FAM114A1: variants seen among roughly 807,000 people sequenced by gnomAD.
FAM114A1 encodes the protein protein NOXP20.
FAM114A1 carries 62 observed loss-of-function variants against 64.3 expected under a neutral mutation model. That is an observed-to-expected ratio of 0.96 (90% CI 0.79 to 1.19). The LOEUF is 1.19. Among genes scored for constraint, FAM114A1 ranks in the 50% most tolerant of loss-of-function variants. The probability of loss-of-function intolerance (pLI) is 0.00; values close to 1 mark genes in which losing one functional copy is unlikely to be tolerated. For missense variants in FAM114A1, 645 were observed against 676.3 expected, an observed-to-expected ratio of 0.95 and a Z score of 0.51; for synonymous variants, 254 against 251.1, an observed-to-expected ratio of 1.01 and a Z score of -0.11.
intron 7 of FAM114A1, among the ~76,000 whole-genome samples, chr4:38,909,230 C>T (rs1203849069): frequency 3.3e-5 from 5 of 152,214 alleles, no homozygotes; most frequent in Non-Finnish European, 7.3e-5. Context: ...GCTTACTCAT[C>T]TGTACACTGG....
At chr4:38,874,792 T>C (rs1714449410) in intron 2 of FAM114A1, among the ~76,000 whole-genome samples, 1 of 152,076 alleles carries the variant, frequency 6.6e-6, no homozygotes, top group Admixed American at 6.5e-5. Context: ...TCTTCTAGAG[T>C]TTTTATAGTT....
intron 7 of FAM114A1, 146 bp downstream of exon 7, chr4:38,908,872 C>T (rs6531679): frequency 0.013 from 10,297 of 794,986 alleles, 521 homozygotes; most frequent in African/African-American, 0.12. Flanking sequence ...GCTTCTAATA[C>T]CCCCATTTCC....
chr4:38,893,884 C>T (rs1056502783), intron 4 of FAM114A1, among the ~76,000 whole-genome samples: 5 of 151,974 alleles, frequency 3.3e-5, no homozygotes, highest in Non-Finnish European at 7.4e-5. Context: ...GGGATGTGGC[C>T]AGGCATGGTG....
intron 3 of FAM114A1, among the ~76,000 whole-genome samples, chr4:38,890,426 C>T (rs1716240627): frequency 6.7e-6 from 1 of 149,292 alleles, no homozygotes; most frequent in Admixed American, 6.7e-5. Context: ...AAAAAAACAG[C>T]AAGGGAGTTG....
intron 2 of FAM114A1, among the ~76,000 whole-genome samples, 166 bp from the exon 3 acceptor site, chr4:38,877,905 A>C (rs999333956): frequency 2.8e-4 from 43 of 151,358 alleles, no homozygotes; most frequent in Non-Finnish European, 4.0e-4. Flanking sequence ...CGGAGGTTGC[A>C]GTGAGCTGAG....
chr4:38,885,825 A>C (rs1159449400), intron 3 of FAM114A1, among the ~76,000 whole-genome samples: 2 of 152,196 alleles, frequency 1.3e-5, no homozygotes, highest in African/African-American at 2.4e-5. Flanking sequence ...TGCTGACAGC[A>C]CTTGGATTGT....
chr4:38,905,780 C>T lies in FAM114A1; in HGVS notation c.576C>T (p.Gly192=), dbSNP rs750392881. The T allele has an allele frequency of 4.3e-6, 7 of 1,613,988 alleles. No homozygotes were observed. The Admixed American group carries it at 1.0e-4, about 23-fold the overall frequency. ...PEITDAATDQ[G]PAESPPTSPS... is the part of the protein sequence containing the mutation. ...TAACAGATGCAGCCACAGATCAGGG[C>T]CCTGCAGAAAGCCCACCCACTTCCC... The change falls in exon 6 of 15, where the codon GGC becomes GGT. Residue 192 remains glycine, a synonymous_variant. Transcript: ENST00000358869.
chr4:38,921,155 T>C (rs1465903174), intron 8 of FAM114A1, among the ~76,000 whole-genome samples: 1 of 152,196 alleles, frequency 6.6e-6, no homozygotes, highest in African/African-American at 2.4e-5. Context: ...AATGAAAAAA[T>C]AAAACTTTAC....
chr4:38,930,025 T>C (rs115334055), intron 10 of FAM114A1, among the ~76,000 whole-genome samples: 2,694 of 152,206 alleles, frequency 0.018, 77 homozygotes, highest in African/African-American at 0.06. Flanking sequence ...TTTTTTCAAA[T>C]TTCACCCCGC....
At chr4:38,905,684 T>G (rs745785618) in intron 5 of FAM114A1, 49 bp downstream of exon 5, 5 of 1,607,618 alleles carry the variant, frequency 3.1e-6, no homozygotes, top group Non-Finnish European at 4.3e-6. Context: ...TTACACCATG[T>G]GCATAATCAG....
intron 4 of FAM114A1, among the ~76,000 whole-genome samples, chr4:38,901,594 T>G (rs141113823): frequency 0.016 from 2,404 of 152,286 alleles, 78 homozygotes; most frequent in African/African-American, 0.054. Flanking sequence ...GCCCGGTCCA[T>G]CATATTCTTT....
intron 3 of FAM114A1, among the ~76,000 whole-genome samples, chr4:38,883,312 A>G (rs1431289657): frequency 6.6e-6 from 1 of 152,226 alleles, no homozygotes; most frequent in African/African-American, 2.4e-5. Context: ...TTAAAGAATC[A>G]GAGAAGTCTT....
At chr4:38,896,218 C>T (rs2109628247) in intron 4 of FAM114A1, among the ~76,000 whole-genome samples, 1 of 152,180 alleles carries the variant, frequency 6.6e-6, no homozygotes, top group African/African-American at 2.4e-5. Context: ...TTTAGAAAAG[C>T]AGGTACTAAA....
chr4:38,942,156 C>G (rs909327960), intron 14 of FAM114A1, among the ~76,000 whole-genome samples: 3 of 152,144 alleles, frequency 2.0e-5, no homozygotes, highest in Non-Finnish European at 4.4e-5. Context: ...CCCATCAGGT[C>G]CCTCCCACAA....
At chr4:38,899,157 G>A (rs1717265182) in intron 4 of FAM114A1, among the ~76,000 whole-genome samples, 1 of 151,920 alleles carries the variant, frequency 6.6e-6, no homozygotes, top group Admixed American at 6.6e-5. Flanking sequence ...ATTGTGTGCT[G>A]GAGTTTTACT....
chr4:38,928,446 A>G (rs1172826088), intron 9 of FAM114A1, among the ~76,000 whole-genome samples: 1 of 152,142 alleles, frequency 6.6e-6, no homozygotes, highest in Non-Finnish European at 1.5e-5. Flanking sequence ...CAATGATCCT[A>G]ATTTTTTTAT....
At chr4:38,923,251 G>A (rs1274066035) in intron 9 of FAM114A1, among the ~76,000 whole-genome samples, 1 of 135,918 alleles carries the variant, frequency 7.4e-6, no homozygotes, top group East Asian at 2.1e-4. Context: ...TTGAGATGGA[G>A]TCTCGCTCTG....
intron 9 of FAM114A1, among the ~76,000 whole-genome samples, chr4:38,923,312 C>T (rs1187644931): frequency 6.6e-6 from 1 of 151,488 alleles, no homozygotes; most frequent in African/African-American, 2.4e-5. Flanking sequence ...CAACCTCCAC[C>T]TCCCGGGTTC....
In FAM114A1 at chr4:38,904,312, GA is replaced by G. The variant is rs1174514846; in HGVS notation, c.437-1206del. Among the ~76,000 whole-genome samples the G allele has an allele frequency of 2.0e-5, 3 of 152,278 alleles. No individual in the cohort carries two copies. In the East Asian group the frequency reaches 5.8e-4, roughly 29 times the overall value. On this transcript the variant is annotated intron_variant, in intron 4 of 14. Coordinates refer to ENST00000358869, the MANE Select transcript of FAM114A1 (RefSeq NM_138389.4). ...ATTCCTTCAACAGTTTGACAACTCA[GA>G]AAAGCTATAGCTCATCGTGAAGGCC...
Sources: allele counts gnomAD v4.1 joint callset (sites outside exome capture counted in the v4.1 genomes callset), GRCh38; gene constraint gnomAD v4.1.1; transcripts MANE v1.5; gene names NCBI Gene and HGNC (gene_info 2026-07-23, HGNC 2026-07-21).